AMPD2: variants seen among roughly 807,000 people sequenced by gnomAD.
AMPD2 encodes the protein AMP deaminase 2.
A neutral mutation model predicts 91.3 loss-of-function variants in AMPD2; 52 were observed. That is an observed-to-expected ratio of 0.57 (90% CI 0.46 to 0.72). AMPD2 has a LOEUF of 0.72. AMPD2 is among the 30% of genes least tolerant of loss of function. The pLI, the probability that AMPD2 is intolerant of heterozygous loss-of-function variation, is 0.00. For missense variants in AMPD2, 822 were observed against 1,122.3 expected, an observed-to-expected ratio of 0.73 and a Z score of 3.82; for synonymous variants, 455 against 456.4, an observed-to-expected ratio of 1.00 and a Z score of 0.04.
chr1:109,625,828 T>C lies in AMPD2; in HGVS notation c.353+36T>C, dbSNP rs1570584402. On this transcript the variant is annotated intron_variant, in intron 4 of 18. Transcript: ENST00000528667. The surrounding 1 kb of genome is among the most constrained non-coding windows in gnomAD (Gnocchi z 4.0). ...CAGGCAGCTGCTTAGTCTCCCTCCA[T>C]ACCCTTCCAGACCCTTTCAGAGCCC... is the stretch of plus-strand genomic sequence containing the variant. 1.9e-6 allele frequency: 3 copies of C among 1,613,204 alleles called. No homozygotes were observed. Among genetic ancestry groups the C allele is most frequent in the Non-Finnish European group, 2.5e-6 (3 of 1,179,612 alleles).
rs775750465 is a variant in AMPD2, at chr1:109,626,373, T to C, written c.477T>C (p.Asp159=). ...GQGDRSLRER[D]VLEREFQRVT... is the part of the protein sequence containing the mutation. Reference sequence around the variant, plus strand: ...GTGACCGGAGCCTGCGGGAGCGTGATGTGCTGGAACGGGAGTTTCAGCGGG... The same window carrying C: ...GTGACCGGAGCCTGCGGGAGCGTGACGTGCTGGAACGGGAGTTTCAGCGGG... The change falls in exon 6 of 19, where the codon GAT becomes GAC. Residue 159 remains aspartate, a synonymous_variant. Coordinates refer to ENST00000528667, the MANE Select transcript of AMPD2 (RefSeq NM_001368809.2). 18 of 1,612,406 alleles carry C rather than the reference T, an allele frequency of 1.1e-5. No individual in the cohort carries two copies. Among genetic ancestry groups the C allele is most frequent in the East Asian group, 2.2e-5 (1 of 44,868 alleles).
rs1291213335 is a variant in AMPD2 at position 109,625,873 on chromosome 1, C to A, written c.353+81C>A. 6.4e-7 allele frequency: 1 copy of A among 1,572,964 alleles called. No homozygotes were observed. The highest frequency in any genetic ancestry group is 8.6e-7 in the Non-Finnish European group (1 of 1,157,084). ...GAGCCCCTTTTCTGCCTCTTTCCCTCGCACCCTGCCTTGGGGGGTCTGCAC... is the reference window on the plus strand; with the variant it reads ...GAGCCCCTTTTCTGCCTCTTTCCCTAGCACCCTGCCTTGGGGGGTCTGCAC... On this transcript the variant is annotated intron_variant, in intron 4 of 18. Transcript: ENST00000528667. The surrounding 1 kb of genome is among the most constrained non-coding windows in gnomAD (Gnocchi z 4.0).
chr1:109,625,226 G>C lies in AMPD2; in HGVS notation c.92-77G>C. The C allele has an allele frequency of 1.3e-6, 2 of 1,568,238 alleles. No individual in the cohort carries two copies. Among genetic ancestry groups the C allele is most frequent in the Non-Finnish European group, 1.7e-6 (2 of 1,155,044 alleles). On this transcript the variant is annotated intron_variant, in intron 2 of 18. Transcript: ENST00000528667. The surrounding 1 kb of genome is among the most constrained non-coding windows in gnomAD (Gnocchi z 4.0). ...CGACCCTGGGCTCTCTCGGGAGCTG[G>C]CCTAGGCAGGGCAGGGGCCCAGGGC...
rs757167534 is a variant in AMPD2 at position 109,625,831 on chromosome 1, C to A, written c.353+39C>A. On this transcript the variant is annotated intron_variant, in intron 4 of 18. Transcript: ENST00000528667. The surrounding 1 kb of genome is among the most constrained non-coding windows in gnomAD (Gnocchi z 4.0). The stretch of plus-strand genomic sequence containing the variant: ...GCAGCTGCTTAGTCTCCCTCCATAC[C>A]CTTCCAGACCCTTTCAGAGCCCCTT... 14 of 1,609,916 alleles carry A rather than the reference C, an allele frequency of 8.7e-6. No homozygotes were observed. The highest frequency in any genetic ancestry group is 3.3e-4 in the Middle Eastern group (2 of 6,042).
At position 109,625,909 on chromosome 1, in the gene AMPD2, G is replaced by C; in HGVS notation, c.353+117G>C. On this transcript the variant is annotated intron_variant, in intron 4 of 18. Coordinates refer to ENST00000528667, the MANE Select transcript of AMPD2 (RefSeq NM_001368809.2). This position sits in a 1 kb window ranked among gnomAD's most constrained non-coding sequence, Gnocchi z 4.0. ...TTGGGGGGTCTGCACAGGGAGCATA[G>C]AGTGGGCTTTGGAGTCGGGCTGCTG... is the stretch of plus-strand genomic sequence containing the variant. The C allele has an allele frequency of 6.7e-7, 1 of 1,482,686 alleles. No homozygotes were observed. Among genetic ancestry groups the C allele is most frequent in the Non-Finnish European group, 9.1e-7 (1 of 1,100,840 alleles). 91.8% of individuals were successfully genotyped at this position (1,482,686 alleles called of 1,614,324 possible).
Position 109,631,194 on chromosome 1 carries a change from C to T in AMPD2, c.*42C>T. On this transcript the variant is annotated 3_prime_UTR_variant, in exon 19 of 19. Coordinates refer to ENST00000528667, the MANE Select transcript of AMPD2 (RefSeq NM_001368809.2). ...GCCCACCACATCGCAGCACTTTTACCACGTTTTGTCCTCAGACCCCGCCCA... is the reference window on the plus strand; with the variant it reads ...GCCCACCACATCGCAGCACTTTTACTACGTTTTGTCCTCAGACCCCGCCCA... 1 of 1,536,924 alleles carries T rather than the reference C, an allele frequency of 6.5e-7. No individual in the cohort carries two copies. The highest frequency in any genetic ancestry group is 8.8e-7 in the Non-Finnish European group (1 of 1,133,268).
intron 18 of AMPD2, 38 bp from the exon 19 acceptor site, chr1:109,630,905 C>A (rs1355986099): frequency 5.6e-6 from 9 of 1,610,792 alleles, no homozygotes; most frequent in Non-Finnish European, 6.8e-6. Context: ...CCCCTCAGCA[C>A]TGGCTGCAGC....
Position 109,620,001 on chromosome 1 carries a change from C to A in AMPD2, c.-540C>A, listed in dbSNP as rs1650110036. 1.9e-6 allele frequency: 1 copy of A among 519,580 alleles called. No individual in the cohort carries two copies. The highest frequency in any genetic ancestry group is 3.5e-6 in the Non-Finnish European group (1 of 284,108). 32.2% of individuals were successfully genotyped at this position (519,580 alleles called of 1,614,324 possible). ...TCCCGCTCCCTTGGGAGCACGTGGC[C>A]TACCAGCCTCTCGATTGCAGGGTTG... On this transcript the variant is annotated 5_prime_UTR_variant, in exon 1 of 19. Coordinates refer to ENST00000528667, the MANE Select transcript of AMPD2 (RefSeq NM_001368809.2).
In AMPD2 at chr1:109,630,214, C is replaced by T. The variant is rs75276578; in HGVS notation, c.1984-19C>T. On this transcript the variant is annotated intron_variant, in intron 16 of 18. Transcript: ENST00000528667. ...CTCGGGGCCACCTGACAGGCCCTCC[C>T]TCCCTGTTGCCTGCCCAGGCCCCCG... is the stretch of plus-strand genomic sequence containing the variant. 4.4e-3 allele frequency: 7,071 copies of T among 1,610,080 alleles called. 231 individuals are homozygous for T. The African/African-American group carries it at 0.079, about 18-fold the overall frequency.
chr1:109,628,106 G>A lies in AMPD2; in HGVS notation c.1104G>A (p.Ser368=), dbSNP rs34030799. The A allele has an allele frequency of 0.023, 36,615 of 1,613,870 alleles. 602 individuals are homozygous for A. Among genetic ancestry groups the A allele is most frequent in the South Asian group, 0.052 (4,711 of 91,066 alleles). Residue 368 remains serine, a synonymous_variant, in exon 11 of 19, where the codon TCG becomes TCA. Transcript: ENST00000528667. This position sits in a 1 kb window ranked among gnomAD's most constrained non-coding sequence, Gnocchi z 7.1. ...AGGTGGACACCCACATCCATGCCTC[G>A]TCCTGCATGAACCAGAAGCATCTGC... ...IRKVDTHIHA[S]SCMNQKHLLR... is the part of the protein sequence containing the mutation.
chr1:109,623,636 G>A (rs1650422621), intron 2 of AMPD2, among the ~76,000 whole-genome samples: 1 of 152,202 alleles, frequency 6.6e-6, no homozygotes, highest in Non-Finnish European at 1.5e-5. Flanking sequence ...CCAACCTGGG[G>A]CTGTGGGTGT....
chr1:109,631,449 C>T lies in AMPD2; in HGVS notation c.*297C>T, dbSNP rs537207133. ...CTGTCCTATGGGCTTCTCCAGTGTC[C>T]ACAGGGGCTTGGGATGGTTGTGGGG... On this transcript the variant is annotated 3_prime_UTR_variant, in exon 19 of 19. Coordinates refer to ENST00000528667, the MANE Select transcript of AMPD2 (RefSeq NM_001368809.2). 1.6e-4 allele frequency: 79 copies of T among 495,748 alleles called. No homozygotes were observed. Among genetic ancestry groups the T allele is most frequent in the African/African-American group, 1.4e-3 (72 of 51,638 alleles). The allele number at this position is 495,748 out of a possible 1,614,324, so 30.7% of individuals were successfully genotyped here.
rs1032611018 is a variant in AMPD2, at chr1:109,631,161, C to T, written c.*9C>T. The T allele has an allele frequency of 6.4e-7, 1 of 1,568,052 alleles. No individual in the cohort carries two copies. Among genetic ancestry groups the T allele is most frequent in the African/African-American group, 1.4e-5 (1 of 74,070 alleles). Reference sequence around the variant, plus strand: ...GCCCAGGGCCTCAATGAGCCTGGTCCATGAAGTGCCCACCACATCGCAGCA... The same window carrying T: ...GCCCAGGGCCTCAATGAGCCTGGTCTATGAAGTGCCCACCACATCGCAGCA... On this transcript the variant is annotated 3_prime_UTR_variant, in exon 19 of 19. Coordinates refer to ENST00000528667, the MANE Select transcript of AMPD2 (RefSeq NM_001368809.2).
rs747466574 is a variant in AMPD2, at chr1:109,625,344, C to T, written c.133C>T (p.Arg45Ter). The T allele has an allele frequency of 1.5e-5, 25 of 1,613,548 alleles. No homozygotes were observed. Among genetic ancestry groups the T allele is most frequent in the Non-Finnish European group, 1.9e-5 (23 of 1,179,928 alleles). The change falls in exon 3 of 19, where the codon CGA becomes TGA. Residue 45 changes from arginine (R) to a stop codon, truncating the protein, a stop_gained. Transcript: ENST00000528667. LOFTEE classifies it high-confidence loss of function. The surrounding 1 kb of genome is among the most constrained non-coding windows in gnomAD (Gnocchi z 4.0). ...GGGGGCCCCTCCGCTGCAGTCTGCC[C>T]GATCCCTGCCGGGCCCCGCCCCCTG... ...GLGAPPLQSA[R>*]SLPGPAPCLK...
Position 109,628,568 on chromosome 1 carries a change from A to C in AMPD2, c.1407+73A>C. The C allele has an allele frequency of 6.2e-7, 1 of 1,611,472 alleles. No homozygotes were observed. Among genetic ancestry groups the C allele is most frequent in the Non-Finnish European group, 8.5e-7 (1 of 1,178,460 alleles). ...GGCTTTTAGGGGGTGAGACTCAAGG[A>C]GGGTAGGCAGATGACCCCCTGAAGA... On this transcript the variant is annotated intron_variant, in intron 12 of 18. Coordinates refer to ENST00000528667, the MANE Select transcript of AMPD2 (RefSeq NM_001368809.2). The surrounding 1 kb of genome is among the most constrained non-coding windows in gnomAD (Gnocchi z 7.1).
In AMPD2 at chr1:109,629,474, T is replaced by G; in HGVS notation, c.1846T>G (p.Leu616Val). 1 of 1,613,918 alleles carries G rather than the reference T, an allele frequency of 6.2e-7. No individual in the cohort carries two copies. The highest frequency in any genetic ancestry group is 8.5e-7 in the Non-Finnish European group (1 of 1,179,944). The change falls in exon 15 of 19, where the codon TTG (leucine) becomes GTG (valine). Residue 616 changes from leucine (L) to valine (V), a missense_variant. Physicochemically the swap from Leu to Val is conservative, Grantham distance 32. Around this residue, in one of 5 missense-constraint regions of AMPD2, gnomAD observed 430 missense variants for 606.0 expected, o/e 0.71. Coordinates refer to ENST00000528667, the MANE Select transcript of AMPD2 (RefSeq NM_001368809.2). ...LYYTFANMAM[L>V]NHLRRQRGFH... ...CTACACCTTTGCCAACATGGCCATG[T>G]TGAACCACCTGCGCAGGTGCCTGCA...
At chr1:109,626,954 T>C (rs1430276196) in intron 7 of AMPD2, 42 bp downstream of exon 7, 1 of 1,583,076 alleles carries the variant, frequency 6.3e-7, no homozygotes, top group South Asian at 1.1e-5. Flanking sequence ...TGCCCTAGCC[T>C]CCTGGGCTTC....
At chr1:109,630,572 G>A (rs927492844) in intron 17 of AMPD2, 111 bp from the exon 18 acceptor site, 1 of 982,898 alleles carries the variant, frequency 1.0e-6, no homozygotes, top group Non-Finnish European at 1.5e-6. Flanking sequence ...GGGGTTGGGG[G>A]GTTGGGGGGA....
chr1:109,626,670 G>A, intron 6 of AMPD2, 56 bp from the exon 7 acceptor site: 2 of 1,572,202 alleles, frequency 1.3e-6, no homozygotes, highest in Non-Finnish European at 1.7e-6. Context: ...AAGGCCTTAG[G>A]GAGGAGGTCT....
Sources: gnomAD v4.1 joint callset for allele counts (sites outside exome capture counted in the v4.1 genomes callset) on GRCh38, gnomAD v4.1.1 for gene constraint, gnomAD v4.1.1 regional missense constraint, Gnocchi (gnomAD v3.1) non-coding constraint, MANE v1.5 for transcripts, NCBI Gene and HGNC (gene_info 2026-07-23, HGNC 2026-07-21) for gene names.